Variants in DCC observed in about 807,000 individuals in gnomAD.
DCC encodes the protein DCC netrin 1 receptor, also known as netrin receptor DCC.
A neutral mutation model predicts 172.5 loss-of-function variants in DCC; 58 were observed. The observed-to-expected ratio is 0.34, with a 90% CI of 0.27 to 0.42. The LOEUF (loss-of-function observed/expected upper bound fraction) is 0.42, where lower values mean the gene tolerates loss of function less well. Among genes scored for constraint, DCC ranks in the 10% least tolerant of loss-of-function variants. The probability of loss-of-function intolerance (pLI) is 1.00; values close to 1 mark genes in which losing one functional copy is unlikely to be tolerated. For missense variants in DCC, 1,740 were observed against 1,791.0 expected (o/e 0.97, Z 0.51); for synonymous variants, 709 against 644.5 (o/e 1.10, Z -1.52).
chr18:53,347,372 T>C (rs959213292), intron 15 of DCC, among the ~76,000 whole-genome samples: 8 of 152,182 alleles, frequency 5.3e-5, no homozygotes, highest in South Asian at 2.1e-4. Context: ...GTTTTGTATC[T>C]TGTTTAGAGC....
chr18:52,599,526 A>ATT (rs138539826), intron 1 of DCC, among the ~76,000 whole-genome samples: 1 of 149,840 alleles, frequency 6.7e-6, no homozygotes, highest in Non-Finnish European at 1.5e-5. Flanking sequence ...TTATAAATAT[A>ATT]TTATTTTATT....
chr18:52,805,264 T>C (rs1167476060), intron 2 of DCC, among the ~76,000 whole-genome samples: 1 of 152,202 alleles, frequency 6.6e-6, no homozygotes, highest in Non-Finnish European at 1.5e-5. Flanking sequence ...TCAGCTTACA[T>C]AACCAAGTGA....
At chr18:52,879,412 C>CCTTTTTTTTTTTTTTTTTT (rs2039447955) in intron 2 of DCC, among the ~76,000 whole-genome samples, 1 of 62,354 alleles carries the variant, frequency 1.6e-5, no homozygotes, top group Non-Finnish European at 2.9e-5. Context: ...TGTTGTTTGG[C>CCTTTTTTTTTTTTTTTTTT]TTTTTTTTTT....
chr18:52,694,620 G>A (rs1019622434), intron 1 of DCC, among the ~76,000 whole-genome samples: 1 of 151,864 alleles, frequency 6.6e-6, no homozygotes, highest in Non-Finnish European at 1.5e-5. Context: ...AAAATATAGG[G>A]AGTTGCAGCA....
At chr18:53,433,822 A>G (rs1306654753) in intron 21 of DCC, among the ~76,000 whole-genome samples, 4 of 152,072 alleles carry the variant, frequency 2.6e-5, no homozygotes, top group Admixed American at 1.3e-4. Flanking sequence ...CTACTTCCTT[A>G]CATACTCACA....
intron 7 of DCC, among the ~76,000 whole-genome samples, chr18:53,127,724 T>A (rs764789654): frequency 1.3e-5 from 2 of 152,152 alleles, no homozygotes; most frequent in Non-Finnish European, 1.5e-5. Flanking sequence ...ACTTTTAATG[T>A]TTCTGGAATT....
chr18:52,923,637 A>T, intron 3 of DCC, 70 bp from the exon 4 acceptor site: 1 of 1,273,800 alleles, frequency 7.9e-7, no homozygotes, highest in South Asian at 1.2e-5. Context: ...TTAGGAAAAA[A>T]ATCAAAATAT....
At chr18:52,581,529 G>A (rs2033550446) in intron 1 of DCC, among the ~76,000 whole-genome samples, 1 of 152,132 alleles carries the variant, frequency 6.6e-6, no homozygotes, top group Admixed American at 6.6e-5. Flanking sequence ...GTGAGTGACA[G>A]CCTATATAAG....
chr18:53,325,654 A>G (rs575576802), intron 14 of DCC, among the ~76,000 whole-genome samples: 2 of 152,346 alleles, frequency 1.3e-5, no homozygotes, highest in Non-Finnish European at 2.9e-5. Flanking sequence ...GAGTCTTAAT[A>G]AATGCTTTTA....
chr18:52,556,139 A>G (rs2032907984), intron 1 of DCC, among the ~76,000 whole-genome samples: 1 of 151,610 alleles, frequency 6.6e-6, no homozygotes, highest in Non-Finnish European at 1.5e-5. Flanking sequence ...TAGCCCCTAA[A>G]TACCAATCCT....
intron 12 of DCC, among the ~76,000 whole-genome samples, chr18:53,234,289 C>A (rs773105388): frequency 5.3e-5 from 8 of 151,806 alleles, no homozygotes; most frequent in Non-Finnish European, 1.0e-4. Flanking sequence ...ATTAGCCGGG[C>A]GTGGTGTTGG....
At chr18:53,416,395 A>T in intron 21 of DCC, 1 of 669,670 alleles carries the variant, frequency 1.5e-6, no homozygotes, top group East Asian at 2.8e-5. Context: ...GACCAATTAA[A>T]ATGTCAAGCT....
At chr18:53,268,765 A>T (rs1289954000) in intron 12 of DCC, among the ~76,000 whole-genome samples, 1 of 152,148 alleles carries the variant, frequency 6.6e-6, no homozygotes, top group African/African-American at 2.4e-5. Flanking sequence ...CTTTATTATG[A>T]CCACCTGAAC....
intron 7 of DCC, among the ~76,000 whole-genome samples, chr18:53,101,506 T>C (rs2043171673): frequency 6.6e-6 from 1 of 152,120 alleles, no homozygotes; most frequent in African/African-American, 2.4e-5. Context: ...AAGTGATCTT[T>C]ACATAAATTA....
intron 12 of DCC, among the ~76,000 whole-genome samples, chr18:53,241,072 T>TA (rs2056285816): frequency 6.6e-6 from 1 of 152,108 alleles, no homozygotes; most frequent in Non-Finnish European, 1.5e-5. Flanking sequence ...AGGACCTTAG[T>TA]TCCCATAAAC....
intron 18 of DCC, among the ~76,000 whole-genome samples, chr18:53,402,533 C>T (rs1909375154): frequency 6.6e-6 from 1 of 152,036 alleles, no homozygotes; most frequent in Admixed American, 6.6e-5. Flanking sequence ...TTGTACTTTT[C>T]TCCTTTATAT....
At chr18:52,984,646 A>G (rs1328520373) in intron 5 of DCC, among the ~76,000 whole-genome samples, 1 of 152,120 alleles carries the variant, frequency 6.6e-6, no homozygotes, top group Non-Finnish European at 1.5e-5. Flanking sequence ...TTACATTCAT[A>G]CATGCTCTTT....
At chr18:53,039,464 CT>C (rs1394080325) in intron 5 of DCC, among the ~76,000 whole-genome samples, 1 of 152,034 alleles carries the variant, frequency 6.6e-6, no homozygotes, top group Non-Finnish European at 1.5e-5. Context: ...CTATGTTGTA[CT>C]TTCGTAGCCA....
intron 12 of DCC, among the ~76,000 whole-genome samples, chr18:53,234,932 A>T (rs913924345): frequency 6.6e-6 from 1 of 152,158 alleles, no homozygotes; most frequent in Non-Finnish European, 1.5e-5. Flanking sequence ...TCATTTTATC[A>T]CTTACACAAG....
Sources: allele counts gnomAD v4.1 joint callset (sites outside exome capture counted in the v4.1 genomes callset), GRCh38; gene constraint gnomAD v4.1.1; transcripts MANE v1.5; gene names NCBI Gene and HGNC (gene_info 2026-07-23, HGNC 2026-07-21).